The following ACSS1 variants were observed in gnomAD, a reference collection of about 807,000 sequenced individuals.
The protein encoded by ACSS1 is acyl-CoA synthetase short chain family member 1.
In ACSS1, 42 loss-of-function variants were observed where a neutral mutation model predicts 75.3. The observed-to-expected ratio is 0.56, with a 90% CI of 0.44 to 0.72. ACSS1 has a LOEUF of 0.72. ACSS1 is among the 30% of genes least tolerant of loss of function. The pLI is 0.00. For synonymous variants in ACSS1, 380 were observed against 376.8 expected (o/e 1.01, Z -0.10); for missense variants, 782 against 935.7 (o/e 0.84, Z 2.14).
In ACSS1 at chr20:25,048,106, G is replaced by C. The variant is rs144423103; in HGVS notation, c.410C>G (p.Thr137Arg). Residue 137 changes from threonine (T) to arginine (R), a missense_variant, in exon 2 of 14, where the codon ACG (threonine) becomes AGG (arginine). Thr to Arg is a moderately conservative substitution (Grantham distance 71). This residue lies in a region of ACSS1 where 377 missense variants were observed against 383.1 expected (regional missense o/e 0.98). Transcript: ENST00000323482. ...GTACCTGTAGGTGATCCTCACTTCCGTTCCAGGCTCATCGCGCTCCCAGAT... is the reference window on the plus strand; with the variant it reads ...GTACCTGTAGGTGATCCTCACTTCCCTTCCAGGCTCATCGCGCTCCCAGAT... ...ALIWERDEPG[T>R]EVRITYRELL... 4.0e-5 allele frequency: 65 copies of C among 1,613,528 alleles called. No individual in the cohort carries two copies. Among genetic ancestry groups the C allele is most frequent in the Non-Finnish European group, 5.3e-5 (63 of 1,179,964 alleles).
chr20:25,007,824 T>C lies in ACSS1; in HGVS notation c.2008A>G (p.Ile670Val), dbSNP rs1459863592. Residue 670 changes from isoleucine (I) to valine (V), a missense_variant, in exon 14 of 14, where the codon ATC becomes GTC. This residue lies in a region of ACSS1 where 405 missense variants were observed against 552.6 expected (regional missense o/e 0.73). Coordinates refer to ENST00000323482, the MANE Select transcript of ACSS1 (RefSeq NM_032501.4). ...GDTTTLEDPS[I>V]IAEILSVYQK... ...TAGACACTCAGGATCTCTGCGATGA[T>C]GCTGGGGTCCTCCAAGGTGGTAGTG... 6.2e-7 allele frequency: 1 copy of C among 1,614,126 alleles called. No homozygotes were observed. The highest frequency in any genetic ancestry group is 8.5e-7 in the Non-Finnish European group (1 of 1,180,038).
At chr20:25,021,854 A>G (rs1758899388) in intron 5 of ACSS1, among the ~76,000 whole-genome samples, 1 of 152,252 alleles carries the variant, frequency 6.6e-6, no homozygotes, top group South Asian at 2.1e-4. Flanking sequence ...GAGGACAGAC[A>G]TCCGAATCCC....
At chr20:25,019,739 G>A (rs75599982) in intron 7 of ACSS1, among the ~76,000 whole-genome samples, 2,420 of 152,360 alleles carry the variant, frequency 0.016, 78 homozygotes, top group African/African-American at 0.055. Flanking sequence ...TATTCCTAAT[G>A]AAGATTAAGC....
chr20:25,008,682 CTGGGT>C (rs2088352735), intron 13 of ACSS1, among the ~76,000 whole-genome samples: 1 of 152,298 alleles, frequency 6.6e-6, no homozygotes, highest in East Asian at 1.9e-4. Flanking sequence ...TTCTGACCCC[CTGGGT>C]TGGGGGTCTG....
chr20:25,031,626 C>T (rs2088825992), intron 2 of ACSS1, among the ~76,000 whole-genome samples: 1 of 152,178 alleles, frequency 6.6e-6, no homozygotes, highest in Non-Finnish European at 1.5e-5. Flanking sequence ...GGATGCCCTA[C>T]TATGTAACTG....
At chr20:25,023,229 G>A in intron 4 of ACSS1, 137 bp from the exon 5 acceptor site, 1 of 1,246,012 alleles carries the variant, frequency 8.0e-7, no homozygotes, top group Non-Finnish European at 1.1e-6. Flanking sequence ...AATTCCAAAT[G>A]TGGAAAGGAC....
chr20:25,012,516 C>G (rs2088427426), intron 12 of ACSS1, 85 bp downstream of exon 12: 1 of 1,518,926 alleles, frequency 6.6e-7, no homozygotes, highest in African/African-American at 1.4e-5. Flanking sequence ...TCACTCCACT[C>G]TCCAGAGTCT....
At chr20:25,033,481 C>A (rs2088861482) in intron 2 of ACSS1, among the ~76,000 whole-genome samples, 1 of 152,256 alleles carries the variant, frequency 6.6e-6, no homozygotes, top group East Asian at 1.9e-4. Context: ...ACTTGGAACT[C>A]TGCCAAACAT....
At chr20:25,056,523 A>G (rs1469505844) in intron 1 of ACSS1, among the ~76,000 whole-genome samples, 1 of 152,222 alleles carries the variant, frequency 6.6e-6, no homozygotes, top group Non-Finnish European at 1.5e-5. Context: ...CTATAATTGT[A>G]TGACTATTTC....
Position 25,020,139 on chromosome 20 carries a change from A to AGG in ACSS1, c.1116_1117insCC (p.Trp373ProfsTer5). The AGG allele has an allele frequency of 6.2e-7, 1 of 1,614,204 alleles. No individual in the cohort carries two copies. The highest frequency in any genetic ancestry group is 1.1e-5 in the South Asian group (1 of 91,090). On this transcript the variant is annotated frameshift_variant, in exon 7 of 14. Coordinates refer to ENST00000323482, the MANE Select transcript of ACSS1 (RefSeq NM_032501.4). LOFTEE classifies it high-confidence loss of function. Reference sequence around the variant, plus strand: ...ATCTTCAACCTCTCTACTGTCTCCCAGTACCGACCTACAGAAAGGCCGAAA... The same window carrying AGG: ...ATCTTCAACCTCTCTACTGTCTCCCAGGGTACCGACCTACAGAAAGGCCGAAA...
chr20:25,016,826 A>G (rs1369258987), intron 7 of ACSS1, among the ~76,000 whole-genome samples: 1 of 152,262 alleles, frequency 6.6e-6, no homozygotes, highest in Non-Finnish European at 1.5e-5. Flanking sequence ...CTTAAAAGAA[A>G]CATTACAGCA....
At chr20:25,038,824 C>T (rs1303054601) in intron 2 of ACSS1, among the ~76,000 whole-genome samples, 1 of 152,120 alleles carries the variant, frequency 6.6e-6, no homozygotes, top group African/African-American at 2.4e-5. Flanking sequence ...GCAGTTCCAC[C>T]CCACATGCTC....
intron 12 of ACSS1, chr20:25,009,743 C>A: frequency 4.7e-6 from 1 of 212,986 alleles, no homozygotes. Flanking sequence ...TGGAATGAGA[C>A]TTCCATGAGA....
intron 2 of ACSS1, chr20:25,032,437 C>T: frequency 7.2e-7 from 1 of 1,381,458 alleles, no homozygotes; most frequent in Non-Finnish European, 9.4e-7. Context: ...GGCGCCTCAT[C>T]CCTCTGAATC....
At chr20:25,053,528 C>T (rs11907817) in intron 1 of ACSS1, among the ~76,000 whole-genome samples, 4,992 of 152,226 alleles carry the variant, frequency 0.033, 264 homozygotes, top group African/African-American at 0.11. Flanking sequence ...GGATCCTCCT[C>T]CTAAGATTAG....
At chr20:25,012,150 C>T (rs1427437214) in intron 12 of ACSS1, 1 of 196,638 alleles carries the variant, frequency 5.1e-6, no homozygotes, top group East Asian at 1.2e-4. Flanking sequence ...CCCAGCGCAG[C>T]ACACAGCCTG....
At position 25,030,780 on chromosome 20, in the gene ACSS1, A is replaced by G; in HGVS notation, c.610T>C (p.Leu204=). The change falls in exon 3 of 14, where the codon TTG becomes CTG. Residue 204 remains leucine (L), a synonymous_variant. Transcript: ENST00000323482. ...TCACCATCATTGATCCTCCCAGCCA[A>G]GGACTCTGCACTGAAGCCAGCAAAG... ...VIFAGFSAES[L]AGRINDAKCK... is the part of the protein sequence containing the mutation. 6.2e-7 allele frequency: 1 copy of G among 1,614,172 alleles called. No homozygotes were observed. The highest frequency in any genetic ancestry group is 8.5e-7 in the Non-Finnish European group (1 of 1,180,000).
At chr20:25,044,679 A>G (rs2089057604) in intron 2 of ACSS1, among the ~76,000 whole-genome samples, 1 of 152,236 alleles carries the variant, frequency 6.6e-6, no homozygotes, top group Admixed American at 6.5e-5. Context: ...AAACAGCCAG[A>G]AAGAGCCACT....
intron 1 of ACSS1, 69 bp downstream of exon 1, chr20:25,057,700 G>T: frequency 7.0e-7 from 1 of 1,435,492 alleles, no homozygotes; most frequent in Non-Finnish European, 9.4e-7. Context: ...GCTGCCGCTG[G>T]CGAGAGGCTC....
Sources: gnomAD v4.1 joint callset for allele counts (sites outside exome capture counted in the v4.1 genomes callset) on GRCh38, gnomAD v4.1.1 for gene constraint, gnomAD v4.1.1 regional missense constraint, MANE v1.5 for transcripts, NCBI Gene and HGNC (gene_info 2026-07-23, HGNC 2026-07-21) for gene names.